Variants in OGDH observed in about 807,000 individuals in gnomAD.
The protein encoded by OGDH is 2-oxoglutarate dehydrogenase complex component E1.
Under a neutral mutation model 116.6 loss-of-function variants are expected in OGDH, and 38 were observed. The observed-to-expected ratio is 0.33, with a 90% CI of 0.25 to 0.43. OGDH has a LOEUF of 0.43. OGDH is among the 20% of genes least tolerant of loss of function. OGDH has a pLI of 1.00. For missense variants in OGDH, 825 were observed against 1,357.2 expected, an observed-to-expected ratio of 0.61 and a Z score of 6.16; for synonymous variants, 488 against 533.3, an observed-to-expected ratio of 0.92 and a Z score of 1.17.
At chr7:44,679,117 G>GTA (rs1787818786) in intron 9 of OGDH, among the ~76,000 whole-genome samples, 1 of 152,190 alleles carries the variant, frequency 6.6e-6, no homozygotes, top group South Asian at 2.1e-4. Flanking sequence ...CCACAGTGCA[G>GTA]TATGGCATGG....
chr7:44,670,111 A>G (rs1295157374), intron 5 of OGDH, among the ~76,000 whole-genome samples: 1 of 152,060 alleles, frequency 6.6e-6, no homozygotes, highest in Non-Finnish European at 1.5e-5. Context: ...ACACAGCATG[A>G]TCTAGTGGCC....
intron 5 of OGDH, among the ~76,000 whole-genome samples, chr7:44,667,597 A>G (rs1236653539): frequency 1.3e-5 from 2 of 152,152 alleles, no homozygotes; most frequent in East Asian, 3.8e-4. Context: ...CACACATTAT[A>G]GACAGTGGCT....
chr7:44,618,172 G>A (rs1784876869), intron 1 of OGDH, among the ~76,000 whole-genome samples: 1 of 151,950 alleles, frequency 6.6e-6, no homozygotes, highest in Admixed American at 6.6e-5. Context: ...ATTACAACTT[G>A]TATCATTTTT....
chr7:44,698,117 T>TGAG (rs1788666328), intron 17 of OGDH, 75 bp from the exon 18 acceptor site: 2 of 1,516,148 alleles, frequency 1.3e-6, no homozygotes, highest in South Asian at 1.1e-5. Flanking sequence ...GCTAGTTGGT[T>TGAG]GAGGAGGAAC....
intron 9 of OGDH, among the ~76,000 whole-genome samples, chr7:44,680,428 G>C (rs1033183775): frequency 3.9e-5 from 6 of 152,056 alleles, no homozygotes; most frequent in African/African-American, 1.4e-4. Flanking sequence ...AGGCAGTGAG[G>C]ATGGAGTGTC....
At chr7:44,691,632 A>T (rs1788368571) in intron 10 of OGDH, among the ~76,000 whole-genome samples, 1 of 152,150 alleles carries the variant, frequency 6.6e-6, no homozygotes, top group African/African-American at 2.4e-5. Context: ...TTTGCATAAA[A>T]TTTGGCAAAG....
At chr7:44,695,222 A>C (rs1038779922) in intron 12 of OGDH, among the ~76,000 whole-genome samples, 3 of 152,086 alleles carry the variant, frequency 2.0e-5, no homozygotes, top group Non-Finnish European at 4.4e-5. Flanking sequence ...CAGCGTCCCA[A>C]GTACCTGGGA....
intron 2 of OGDH, among the ~76,000 whole-genome samples, chr7:44,627,925 C>T (rs534496507): frequency 1.3e-5 from 2 of 152,310 alleles, no homozygotes; most frequent in African/African-American, 4.8e-5. Context: ...AGTCTGCCCA[C>T]CTCAGCCTCC....
Position 44,647,727 on chromosome 7 carries a change from C to T in OGDH, c.485C>T (p.Pro162Leu), listed in dbSNP as rs746048255. The change falls in exon 4 of 23, where the codon CCC becomes CTC. Residue 162 changes from proline (P) to leucine (L), a missense_variant. Pro to Leu is a moderately conservative substitution (Grantham distance 98). Transcript: ENST00000222673. ...ILDADLDSSV[P>L]ADIISSTDKL... ...GATGCTGATCTGGACTCCTCCGTGCCCGCTGACATTATCTCATCCACAGAC... is the reference window on the plus strand; with the variant it reads ...GATGCTGATCTGGACTCCTCCGTGCTCGCTGACATTATCTCATCCACAGAC... The T allele has an allele frequency of 2.5e-6, 4 of 1,613,942 alleles. No homozygotes were observed. Among genetic ancestry groups the T allele is most frequent in the Non-Finnish European group, 3.4e-6 (4 of 1,180,016 alleles).
chr7:44,613,802 C>CTTTTTTT (rs11397029), intron 1 of OGDH, among the ~76,000 whole-genome samples: 4 of 106,374 alleles, frequency 3.8e-5, no homozygotes, highest in Non-Finnish European at 5.4e-5. Flanking sequence ...AGCCACCTGG[C>CTTTTTTT]TTTTTTTTTT....
Position 44,645,512 on chromosome 7 carries a change from A to T in OGDH, c.408A>T (p.Ala136=). Residue 136 remains alanine (A), a synonymous_variant, in exon 3 of 23, where the codon GCA becomes GCT. Coordinates refer to ENST00000222673, the MANE Select transcript of OGDH (RefSeq NM_002541.4). ...TGGCAGTGCAGTCGCTCATCAGGGC[A>T]TATCAGGTAAGGCGGGTGCTTTACC... The part of the protein sequence containing the change: ...DHLAVQSLIR[A]YQIRGHHVAQ... 2 of 1,614,076 alleles carry T rather than the reference A, an allele frequency of 1.2e-6. No individual in the cohort carries two copies. Among genetic ancestry groups the T allele is most frequent in the Non-Finnish European group, 1.7e-6 (2 of 1,179,966 alleles).
chr7:44,704,699 GT>G (rs1049556623), intron 20 of OGDH, among the ~76,000 whole-genome samples: 1 of 151,202 alleles, frequency 6.6e-6, no homozygotes, highest in Admixed American at 6.6e-5. Context: ...GGGTTTGGGT[GT>G]TTTTTTTGTT....
intron 4 of OGDH, among the ~76,000 whole-genome samples, chr7:44,665,445 C>T (rs928879967): frequency 2.0e-5 from 3 of 152,194 alleles, no homozygotes; most frequent in African/African-American, 7.2e-5. Flanking sequence ...AGTTCCCAAA[C>T]CATGCTTGAA....
At position 44,674,502 on chromosome 7, in the gene OGDH, A is replaced by T; in HGVS notation, c.880A>T (p.Ile294Phe). 2.5e-6 allele frequency: 4 copies of T among 1,614,188 alleles called. No homozygotes were observed. The highest frequency in any genetic ancestry group is 3.4e-6 in the Non-Finnish European group (4 of 1,180,034). The change falls in exon 7 of 23, where the codon ATT becomes TTT. Residue 294 changes from isoleucine (I) to phenylalanine (F), a missense_variant. Physicochemically the swap from Ile to Phe is conservative, Grantham distance 21. Coordinates refer to ENST00000222673, the MANE Select transcript of OGDH (RefSeq NM_002541.4). ...ACTGATCCCTGCCCTCAAGACCATC[A>T]TTGACAAGTCTAGTGAGAATGGCGT... ...EVLIPALKTI[I>F]DKSSENGVDY...
intron 1 of OGDH, among the ~76,000 whole-genome samples, chr7:44,608,616 GA>G (rs943225544): frequency 6.6e-6 from 1 of 152,008 alleles, no homozygotes; most frequent in Non-Finnish European, 1.5e-5. Flanking sequence ...GCCTCAGCAG[GA>G]GGCTGAGGCA....
At chr7:44,668,988 C>T (rs1787306290) in intron 5 of OGDH, among the ~76,000 whole-genome samples, 1 of 151,958 alleles carries the variant, frequency 6.6e-6, no homozygotes, top group South Asian at 2.1e-4. Flanking sequence ...TCCAAGTGGC[C>T]CTACCCCCAA....
intron 5 of OGDH, among the ~76,000 whole-genome samples, chr7:44,668,597 A>G (rs1215892147): frequency 6.6e-6 from 1 of 152,228 alleles, no homozygotes; most frequent in East Asian, 1.9e-4. Context: ...ATGTGCCAGC[A>G]TCAGAAGCTT....
chr7:44,640,165 T>C (rs571305316), intron 2 of OGDH, among the ~76,000 whole-genome samples: 30 of 152,226 alleles, frequency 2.0e-4, no homozygotes, highest in Non-Finnish European at 3.5e-4. Context: ...CATTTTATTG[T>C]TGAGCCCAGA....
At position 44,675,948 on chromosome 7, in the gene OGDH, A is replaced by C. The variant is rs773533879; in HGVS notation, c.1027-22A>C. On this transcript the variant is annotated intron_variant, in intron 8 of 22. Transcript: ENST00000222673. Reference sequence around the variant, plus strand: ...TGAGCATCTCCTTGGCCAGGGTGCAAATTCACTGTTTACCCCATCAGGGCT... The same window carrying C: ...TGAGCATCTCCTTGGCCAGGGTGCACATTCACTGTTTACCCCATCAGGGCT... 5.6e-6 allele frequency: 9 copies of C among 1,608,268 alleles called. No individual in the cohort carries two copies. In the East Asian group the frequency reaches 6.7e-5, roughly 12 times the overall value.
Sources: gnomAD v4.1 joint callset for allele counts (sites outside exome capture counted in the v4.1 genomes callset) on GRCh38, gnomAD v4.1.1 for gene constraint, MANE v1.5 for transcripts, NCBI Gene and HGNC (gene_info 2026-07-23, HGNC 2026-07-21) for gene names.